SV2C: variants seen among roughly 807,000 people sequenced by gnomAD.
SV2C encodes the protein solute carrier family 22 member B3.
A neutral mutation model predicts 79.7 loss-of-function variants in SV2C; 49 were observed. That is an observed-to-expected ratio of 0.61 (90% CI 0.49 to 0.78). The LOEUF (loss-of-function observed/expected upper bound fraction) is 0.78, where lower values mean the gene tolerates loss of function less well. Among genes scored for constraint, SV2C ranks in the 30% least tolerant of loss-of-function variants. The pLI is 0.00. For synonymous variants in SV2C, 334 were observed against 333.2 expected (o/e 1.00, Z -0.03); for missense variants, 833 against 912.9 (o/e 0.91, Z 1.13).
chr5:76,245,356 G>A (rs1745912413), intron 4 of SV2C, among the ~76,000 whole-genome samples: 1 of 152,074 alleles, frequency 6.6e-6, no homozygotes, highest in Non-Finnish European at 1.5e-5. Flanking sequence ...GTTCCAGGAT[G>A]GGGCAAGGAC....
At chr5:75,923,418 A>G in the SV2C span, among the ~76,000 whole-genome samples, 1 of 152,192 alleles carries the variant, frequency 6.6e-6, no homozygotes, top group African/African-American at 2.4e-5. Context: ...ACAACAACAA[A>G]ACAGGACCTA....
the SV2C span, among the ~76,000 whole-genome samples, chr5:76,005,983 A>G: frequency 1 from 152,291 of 152,310 alleles, 76,136 homozygotes; most frequent in Middle Eastern, 1. Flanking sequence ...TGTTGGTAAT[A>G]CTATTGTGAA....
intron 4 of SV2C, among the ~76,000 whole-genome samples, chr5:76,243,748 C>T (rs1745864818): frequency 6.6e-6 from 1 of 152,118 alleles, no homozygotes; most frequent in African/African-American, 2.4e-5. Context: ...TATTCTTGAC[C>T]CCCTGTGTCT....
intron 1 of SV2C, among the ~76,000 whole-genome samples, chr5:76,114,302 A>G (rs1252049380): frequency 6.6e-6 from 1 of 152,184 alleles, no homozygotes; most frequent in Non-Finnish European, 1.5e-5. Context: ...GGTGTTCAGG[A>G]AGGGCTGAAT....
At chr5:75,879,466 T>TGC in the SV2C span, among the ~76,000 whole-genome samples, 1,022 of 152,256 alleles carry the variant, frequency 6.7e-3, 7 homozygotes, top group African/African-American at 0.023. Context: ...GTGGGCCCCA[T>TGC]GAGAGTCTGA....
chr5:75,853,509 TCG>T, the SV2C span, among the ~76,000 whole-genome samples: 1 of 134,726 alleles, frequency 7.4e-6, no homozygotes, highest in African/African-American at 2.8e-5. Flanking sequence ...TGAGCACAGA[TCG>T]CGCCACTGCA....
the SV2C span, among the ~76,000 whole-genome samples, chr5:75,849,251 G>T: frequency 1.3e-5 from 2 of 152,318 alleles, no homozygotes; most frequent in Non-Finnish European, 2.9e-5. Context: ...GTCTCAAATG[G>T]AAGGATAAAA....
At chr5:76,086,787 A>G (rs1273981929) in intron 1 of SV2C, among the ~76,000 whole-genome samples, 1 of 152,238 alleles carries the variant, frequency 6.6e-6, no homozygotes, top group Non-Finnish European at 1.5e-5. Flanking sequence ...AAAAATAACA[A>G]TGGGAATGAA....
chr5:76,089,348 G>A (rs536972943), intron 1 of SV2C, among the ~76,000 whole-genome samples: 1 of 152,286 alleles, frequency 6.6e-6, no homozygotes, highest in African/African-American at 2.4e-5. Context: ...TCCCTGCAAA[G>A]GACATGATCT....
intron 1 of SV2C, chr5:76,083,949 T>G (rs940791853): frequency 6.6e-6 from 1 of 151,702 alleles, no homozygotes; most frequent in Non-Finnish European, 1.5e-5. Flanking sequence ...ACCTATACCT[T>G]CATAGCTGCC....
chr5:76,260,190 G>A (rs1331506579), intron 4 of SV2C, among the ~76,000 whole-genome samples: 1 of 152,098 alleles, frequency 6.6e-6, no homozygotes, highest in East Asian at 1.9e-4. Context: ...TCTCTAATGA[G>A]CAGTGATGAT....
chr5:76,116,866 C>T (rs1748284642), intron 1 of SV2C, among the ~76,000 whole-genome samples: 1 of 152,168 alleles, frequency 6.6e-6, no homozygotes, highest in Non-Finnish European at 1.5e-5. Flanking sequence ...GGACAGGAAT[C>T]CAGGAGTATT....
chr5:76,295,868 T>G lies in SV2C; in HGVS notation c.1428T>G (p.Asp476Glu), dbSNP rs1472534124. The G allele has an allele frequency of 5.6e-6, 9 of 1,613,466 alleles. No individual in the cohort carries two copies. The highest frequency in any genetic ancestry group is 1.6e-4 in the Middle Eastern group (1 of 6,080). ...YALLTRNVER[D>E]KYANFTINFT... ...TGCTAACCAGAAATGTGGAGAGAGA[T>G]AAATATGCAAATTTCACTATTAACT... is the stretch of plus-strand genomic sequence containing the variant. The change falls in exon 9 of 13, where the codon GAT (aspartate) becomes GAG (glutamate). Residue 476 changes from aspartate (D) to glutamate (E), a missense_variant. Coordinates refer to ENST00000502798, the MANE Select transcript of SV2C (RefSeq NM_014979.4).
At chr5:76,001,463 G>T in the SV2C span, among the ~76,000 whole-genome samples, 1 of 152,014 alleles carries the variant, frequency 6.6e-6, no homozygotes, top group Non-Finnish European at 1.5e-5. Flanking sequence ...TTAGCCTGGC[G>T]TGGTGGTGGG....
At chr5:76,192,532 A>G (rs574216402) in intron 2 of SV2C, among the ~76,000 whole-genome samples, 2 of 152,220 alleles carry the variant, frequency 1.3e-5, no homozygotes, top group Non-Finnish European at 2.9e-5. Flanking sequence ...ACTCCCCGTT[A>G]TAACACTGTG....
chr5:76,146,797 TAAAA>T (rs34569063), intron 2 of SV2C, among the ~76,000 whole-genome samples: 1 of 39,336 alleles, frequency 2.5e-5, no homozygotes, highest in East Asian at 1.0e-3. Context: ...AGTTTTTTTT[TAAAA>T]AAAAAAAAAA....
chr5:76,339,660 G>A (rs745937424), intron 12 of SV2C, among the ~76,000 whole-genome samples: 1 of 149,886 alleles, frequency 6.7e-6, no homozygotes, highest in Non-Finnish European at 1.5e-5. Context: ...CTTGCAGTGA[G>A]CCAAGATTGT....
chr5:76,222,967 A>ATTTTGTTC (rs1561270808), intron 4 of SV2C, among the ~76,000 whole-genome samples: 1 of 152,190 alleles, frequency 6.6e-6, no homozygotes, highest in East Asian at 1.9e-4. Flanking sequence ...TTCTCTGTAC[A>ATTTTGTTC]TGAAGAAGCT....
At chr5:76,226,159 A>G (rs1745230593) in intron 4 of SV2C, among the ~76,000 whole-genome samples, 1 of 152,098 alleles carries the variant, frequency 6.6e-6, no homozygotes, top group African/African-American at 2.4e-5. Context: ...AGTTAGGTGG[A>G]GGGTATACAT....
Sources: gnomAD v4.1 joint callset for allele counts (sites outside exome capture counted in the v4.1 genomes callset) on GRCh38, gnomAD v4.1.1 for gene constraint, MANE v1.5 for transcripts, NCBI Gene and HGNC (gene_info 2026-07-23, HGNC 2026-07-21) for gene names.